PLXDC2: variants seen among roughly 807,000 people sequenced by gnomAD.
PLXDC2 encodes the protein plexin domain-containing protein 2.
In PLXDC2, 40 loss-of-function variants were observed where a neutral mutation model predicts 68.9. The ratio of observed to expected loss-of-function variants is 0.58; its 90% CI spans 0.45 to 0.76. The LOEUF (loss-of-function observed/expected upper bound fraction) is 0.76. PLXDC2 is among the 30% of genes least tolerant of loss of function. The pLI is 0.00. For synonymous variants in PLXDC2, 243 were observed against 234.2 expected (o/e 1.04, Z -0.34); for missense variants, 644 against 661.9 (o/e 0.97, Z 0.30).
At chr10:19,834,354 A>AGAGT (rs376125037) in intron 1 of PLXDC2, among the ~76,000 whole-genome samples, 14,505 of 147,412 alleles carry the variant, frequency 0.098, 758 homozygotes, top group Non-Finnish European at 0.12. Context: ...AGAGAGAGAG[A>AGAGT]GTGTGTGTGT....
chr10:20,028,969 C>T (rs945891228), intron 2 of PLXDC2, among the ~76,000 whole-genome samples: 3 of 152,116 alleles, frequency 2.0e-5, no homozygotes, highest in Non-Finnish European at 4.4e-5. Flanking sequence ...TCAAACTGTC[C>T]TCAATTCACA....
At chr10:19,965,304 G>C (rs1242799931) in intron 1 of PLXDC2, among the ~76,000 whole-genome samples, 5 of 152,120 alleles carry the variant, frequency 3.3e-5, no homozygotes, top group African/African-American at 1.2e-4. Context: ...CTTTGAGAAG[G>C]AGTTCTACCA....
At chr10:20,266,364 A>G (rs551597934) in intron 13 of PLXDC2, among the ~76,000 whole-genome samples, 1,370 of 134,730 alleles carry the variant, frequency 0.01, 23 homozygotes, top group African/African-American at 0.033. Context: ...ATTGTTGGGG[A>G]AAAAAAAAAA....
At chr10:20,256,655 T>C (rs2681950) in intron 13 of PLXDC2, among the ~76,000 whole-genome samples, 70,256 of 151,842 alleles carry the variant, frequency 0.46, 17,820 homozygotes, top group Middle Eastern at 0.63. Flanking sequence ...TGTTGGAATT[T>C]ATGTTATTTC....
At chr10:19,987,707 G>A (rs1171598610) in intron 1 of PLXDC2, among the ~76,000 whole-genome samples, 10 of 151,724 alleles carry the variant, frequency 6.6e-5, no homozygotes, top group East Asian at 3.9e-4. Context: ...GACTATAGGC[G>A]CCCGCCACCA....
At chr10:20,231,050 A>G (rs933480485) in intron 12 of PLXDC2, among the ~76,000 whole-genome samples, 1 of 151,830 alleles carries the variant, frequency 6.6e-6, no homozygotes, top group African/African-American at 2.4e-5. Flanking sequence ...AATGATAAGT[A>G]TATGAGGTGA....
intron 1 of PLXDC2, among the ~76,000 whole-genome samples, chr10:19,940,374 A>G (rs1004838651): frequency 6.6e-6 from 1 of 152,184 alleles, no homozygotes; most frequent in African/African-American, 2.4e-5. Flanking sequence ...AACCATTTGC[A>G]TGATTTATAC....
chr10:20,209,917 T>A (rs1191340299), intron 9 of PLXDC2, among the ~76,000 whole-genome samples: 1 of 152,108 alleles, frequency 6.6e-6, no homozygotes, highest in Non-Finnish European at 1.5e-5. Context: ...AAGACAGGTG[T>A]AAGAAATTAT....
intron 1 of PLXDC2, among the ~76,000 whole-genome samples, chr10:19,973,138 C>T (rs779875883): frequency 6.6e-6 from 1 of 151,122 alleles, no homozygotes; most frequent in Non-Finnish European, 1.5e-5. Context: ...TAAGCTGTGC[C>T]TATGGTTAAT....
intron 4 of PLXDC2, among the ~76,000 whole-genome samples, chr10:20,136,411 A>G (rs1833933849): frequency 6.6e-6 from 1 of 152,228 alleles, no homozygotes; most frequent in Non-Finnish European, 1.5e-5. Flanking sequence ...TGACTTACAA[A>G]ATAGAACTCG....
intron 2 of PLXDC2, among the ~76,000 whole-genome samples, chr10:20,030,058 T>C (rs1564662451): frequency 6.6e-6 from 1 of 152,144 alleles, no homozygotes; most frequent in Admixed American, 6.6e-5. Context: ...CTCTTAGAGA[T>C]TATTTGAAAA....
intron 1 of PLXDC2, among the ~76,000 whole-genome samples, chr10:19,883,389 C>T (rs1025129239): frequency 1.3e-5 from 2 of 152,194 alleles, no homozygotes; most frequent in African/African-American, 2.4e-5. Context: ...GCCATCAAAA[C>T]TCCACCCTCT....
chr10:19,852,602 C>T, intron 1 of PLXDC2, among the ~76,000 whole-genome samples: 1 of 152,032 alleles, frequency 6.6e-6, no homozygotes. Flanking sequence ...TGATACTGTT[C>T]CACCTCATAT....
chr10:20,152,238 A>T lies in PLXDC2; in HGVS notation c.783+4336A>T, dbSNP rs561829992. 8.5e-5 allele frequency among the ~76,000 whole-genome samples: 13 copies of T among 152,280 alleles called. No individual in the cohort carries two copies. The South Asian group carries it at 2.7e-3, about 32-fold the overall frequency. On this transcript the variant is annotated intron_variant, in intron 6 of 13. Coordinates refer to ENST00000377252, the MANE Select transcript of PLXDC2 (RefSeq NM_032812.9). ...TTATAACAATCTTGCTTATAGTGGG[A>T]TTGAAATAGGGAAGTACAACTGCTG...
At chr10:19,949,092 A>G (rs542787044) in intron 1 of PLXDC2, among the ~76,000 whole-genome samples, 1 of 130,934 alleles carries the variant, frequency 7.6e-6, no homozygotes, top group Non-Finnish European at 1.5e-5. Context: ...GCACCACTGC[A>G]CTCCAGTCTG....
chr10:20,120,136 A>G (rs1833676438), intron 4 of PLXDC2, among the ~76,000 whole-genome samples: 1 of 152,126 alleles, frequency 6.6e-6, no homozygotes. Flanking sequence ...AACGGTGAAT[A>G]GGAGTATGAC....
chr10:19,982,417 C>G (rs1834565935), intron 1 of PLXDC2, among the ~76,000 whole-genome samples: 1 of 152,184 alleles, frequency 6.6e-6, no homozygotes, highest in African/African-American at 2.4e-5. Flanking sequence ...TCTAGGATAT[C>G]ATAGACTCCT....
At chr10:19,878,139 AT>A (rs1171721303) in intron 1 of PLXDC2, among the ~76,000 whole-genome samples, 1 of 152,008 alleles carries the variant, frequency 6.6e-6, no homozygotes, top group African/African-American at 2.4e-5. Context: ...GCTATAACAT[AT>A]GTGGAATATA....
At position 20,196,841 on chromosome 10, in the gene PLXDC2, C is replaced by G. The variant is rs1325719757; in HGVS notation, c.1062-14828C>G. Among the ~76,000 whole-genome samples the G allele has an allele frequency of 1.3e-5, 2 of 152,126 alleles. 1 individual carries two copies. Among genetic ancestry groups the G allele is most frequent in the Non-Finnish European group, 2.9e-5 (2 of 68,032 alleles). Reference sequence around the variant, plus strand: ...CTTGCACTTTTTCCCTCTCTTCTTCCCATTATAGCCATATTAAATGTGGCT... The same window carrying G: ...CTTGCACTTTTTCCCTCTCTTCTTCGCATTATAGCCATATTAAATGTGGCT... On this transcript the variant is annotated intron_variant, in intron 9 of 13. Coordinates refer to ENST00000377252, the MANE Select transcript of PLXDC2 (RefSeq NM_032812.9).
Sources: gnomAD v4.1 joint callset for allele counts (sites outside exome capture counted in the v4.1 genomes callset) on GRCh38, gnomAD v4.1.1 for gene constraint, MANE v1.5 for transcripts, NCBI Gene and HGNC (gene_info 2026-07-23, HGNC 2026-07-21) for gene names.